Variants in SPTLC1 observed in about 807,000 individuals in gnomAD.
The protein encoded by SPTLC1 is serine palmitoyltransferase 1.
In SPTLC1, 55 loss-of-function variants were observed where a neutral mutation model predicts 68.9. That is an observed-to-expected ratio of 0.80 (90% CI 0.64 to 1.00). The LOEUF (loss-of-function observed/expected upper bound fraction) is 1.00. Ranked by LOEUF, SPTLC1 falls within the 50% of genes least tolerant of loss-of-function variation. The pLI, the probability that SPTLC1 is intolerant of heterozygous loss-of-function variation, is 0.00. For missense variants in SPTLC1, 449 were observed against 573.1 expected, an observed-to-expected ratio of 0.78 and a Z score of 2.21; for synonymous variants, 197 against 201.6, an observed-to-expected ratio of 0.98 and a Z score of 0.19.
At chr9:92,087,972 C>T (rs921962298) in intron 3 of SPTLC1, among the ~76,000 whole-genome samples, 2 of 152,222 alleles carry the variant, frequency 1.3e-5, no homozygotes, top group Non-Finnish European at 2.9e-5. Context: ...CTCCCGGCCT[C>T]GCTGCCGCCT....
chr9:92,080,020 T>C lies in SPTLC1; in HGVS notation c.423A>G (p.Thr141=). ...GAGAACACAACAAAAACTTACCAAA[T>C]GTGCCATAAAATCCTCTGGGTCCAC... ...GTCGPRGFYG[T]FDVHLDLEDR... Residue 141 remains threonine (T), a synonymous_variant, in exon 5 of 15, where the codon ACA becomes ACG. Coordinates refer to ENST00000262554, the MANE Select transcript of SPTLC1 (RefSeq NM_006415.4). 1.9e-6 allele frequency: 3 copies of C among 1,613,594 alleles called. No homozygotes were observed. Among genetic ancestry groups the C allele is most frequent in the Non-Finnish European group, 2.5e-6 (3 of 1,179,552 alleles).
intron 5 of SPTLC1, 148 bp from the exon 6 acceptor site, chr9:92,068,246 A>G: frequency 1.3e-6 from 1 of 763,584 alleles, no homozygotes; most frequent in Non-Finnish European, 2.1e-6. Flanking sequence ...TAGATTATAC[A>G]AGATCTATTA....
intron 3 of SPTLC1, among the ~76,000 whole-genome samples, chr9:92,095,923 C>T (rs1366370546): frequency 2.0e-5 from 3 of 152,218 alleles, no homozygotes; most frequent in Non-Finnish European, 4.4e-5. Flanking sequence ...GGAGGACTGG[C>T]TGGGTGCCTA....
In SPTLC1 at chr9:92,055,425, TA is replaced by T. The variant is rs1157107583; in HGVS notation, c.759del (p.Ile254PhefsTer10). ...VVEGLYMNTGTICPLPELVKL... is the reference protein window; with the variant it reads ...VVEGLYMNTGXICPLPELVKL... ...CTTACCAATTCTGGAAGAGGACAAA[TA>T]GTTCCAGTATTCATATACAATCCTT... On this transcript the variant is annotated frameshift_variant, in exon 8 of 15. Coordinates refer to ENST00000262554, the MANE Select transcript of SPTLC1 (RefSeq NM_006415.4). LOFTEE classifies it high-confidence loss of function. 2.5e-6 allele frequency: 4 copies of T among 1,613,722 alleles called. No individual in the cohort carries two copies. The East Asian group carries it at 8.9e-5, about 36-fold the overall frequency.
intron 3 of SPTLC1, among the ~76,000 whole-genome samples, chr9:92,092,582 T>C (rs1321625810): frequency 2.0e-5 from 3 of 151,726 alleles, no homozygotes; most frequent in Admixed American, 6.6e-5. Flanking sequence ...ATAATAATAA[T>C]AAATTAGCTG....
chr9:92,051,145 AAAG>A (rs1833691817), intron 8 of SPTLC1: 1 of 984,932 alleles, frequency 1.0e-6, no homozygotes, highest in Non-Finnish European at 1.2e-6. Flanking sequence ...ACAAAAACAA[AAAG>A]AAGAAAACAA....
At chr9:92,098,707 A>G (rs1209007864) in intron 3 of SPTLC1, among the ~76,000 whole-genome samples, 1 of 152,130 alleles carries the variant, frequency 6.6e-6, no homozygotes, top group Non-Finnish European at 1.5e-5. Flanking sequence ...GGTTTCAAAA[A>G]AAAAAATTCA....
intron 6 of SPTLC1, among the ~76,000 whole-genome samples, chr9:92,063,218 A>C (rs7871565): frequency 0.11 from 16,402 of 152,170 alleles, 1,908 homozygotes; most frequent in African/African-American, 0.3. Flanking sequence ...ACATCAGAAT[A>C]ATACGGGAAT....
At chr9:92,105,251 C>A in intron 3 of SPTLC1, 1 of 1,534,438 alleles carries the variant, frequency 6.5e-7, no homozygotes, top group East Asian at 2.4e-5. Flanking sequence ...TGAGGGGCCC[C>A]CACCGGCTAA....
At chr9:92,033,837 C>T (rs1833053153) in intron 14 of SPTLC1, among the ~76,000 whole-genome samples, 1 of 152,190 alleles carries the variant, frequency 6.6e-6, no homozygotes, top group Non-Finnish European at 1.5e-5. Context: ...TGGGCCACTG[C>T]ACCTGGCTGA....
chr9:92,044,881 G>C (rs577113415), intron 12 of SPTLC1, among the ~76,000 whole-genome samples: 1 of 152,250 alleles, frequency 6.6e-6, no homozygotes, highest in African/African-American at 2.4e-5. Flanking sequence ...ATTTTGGAAA[G>C]AAAAAGTGTG....
At chr9:92,065,389 T>G (rs1485826560) in intron 6 of SPTLC1, among the ~76,000 whole-genome samples, 1 of 152,156 alleles carries the variant, frequency 6.6e-6, no homozygotes, top group Non-Finnish European at 1.5e-5. Flanking sequence ...ACTCCTACAT[T>G]CAAACACATT....
chr9:92,046,131 G>T (rs1833506283), intron 11 of SPTLC1, 78 bp from the exon 12 acceptor site: 1 of 1,186,762 alleles, frequency 8.4e-7, no homozygotes, highest in Non-Finnish European at 1.2e-6. Flanking sequence ...TGAAGACCCA[G>T]ATCAAGTTCA....
chr9:92,068,167 A>G (rs985678699), intron 5 of SPTLC1, 69 bp from the exon 6 acceptor site: 26 of 1,460,996 alleles, frequency 1.8e-5, no homozygotes, highest in Non-Finnish European at 2.5e-5. Flanking sequence ...AAGAACAAAT[A>G]AAAGAACACA....
chr9:92,069,235 TAC>T (rs1834395879), intron 5 of SPTLC1, among the ~76,000 whole-genome samples: 1 of 152,200 alleles, frequency 6.6e-6, no homozygotes, highest in Non-Finnish European at 1.5e-5. Context: ...GCAGTATATT[TAC>T]AGACTTCCTA....
chr9:92,066,726 G>C (rs141193813), intron 6 of SPTLC1, among the ~76,000 whole-genome samples: 3 of 152,284 alleles, frequency 2.0e-5, no homozygotes, highest in African/African-American at 7.2e-5. Context: ...ATGTTAAAAA[G>C]GAAAAGAGGA....
At chr9:92,039,823 T>C (rs1438555921) in intron 12 of SPTLC1, among the ~76,000 whole-genome samples, 1 of 152,170 alleles carries the variant, frequency 6.6e-6, no homozygotes, top group Non-Finnish European at 1.5e-5. Flanking sequence ...CCTTGGAACA[T>C]TATTAATTAG....
At chr9:92,099,075 AACTAATGAATAAT>A (rs1303628725) in intron 3 of SPTLC1, among the ~76,000 whole-genome samples, 1 of 152,226 alleles carries the variant, frequency 6.6e-6, no homozygotes, top group Non-Finnish European at 1.5e-5. Flanking sequence ...ACATTGGCCC[AACTAATGAATAAT>A]ACTAATGAAG....
chr9:92,032,447 A>G lies in SPTLC1; in HGVS notation c.*18T>C, dbSNP rs1251604407. 3.1e-6 allele frequency: 5 copies of G among 1,614,134 alleles called. No homozygotes were observed. Among genetic ancestry groups the G allele is most frequent in the Middle Eastern group, 1.6e-4 (1 of 6,062 alleles). The stretch of plus-strand genomic sequence containing the variant: ...TCTGCGTGTTGTGTGGCAGGAGGCC[A>G]TGGTCCCGGGACTCTGCCTAGAGCA... On this transcript the variant is annotated 3_prime_UTR_variant, in exon 15 of 15. Coordinates refer to ENST00000262554, the MANE Select transcript of SPTLC1 (RefSeq NM_006415.4).
Sources: allele counts gnomAD v4.1 joint callset (sites outside exome capture counted in the v4.1 genomes callset), GRCh38; gene constraint gnomAD v4.1.1; transcripts MANE v1.5; gene names NCBI Gene and HGNC (gene_info 2026-07-23, HGNC 2026-07-21).